TLE2: variants seen among roughly 807,000 people sequenced by gnomAD.
TLE2 encodes TLE family member 2, transcriptional corepressor.
A neutral mutation model predicts 97.2 loss-of-function variants in TLE2; 74 were observed. The observed-to-expected ratio is 0.76, with a 90% CI of 0.63 to 0.92. The LOEUF (loss-of-function observed/expected upper bound fraction) is 0.92, where lower values mean the gene tolerates loss of function less well. Ranked by LOEUF, TLE2 falls within the 40% of genes least tolerant of loss-of-function variation. The pLI is 0.00. For missense variants in TLE2, 1,038 were observed against 1,008.7 expected (o/e 1.03, Z -0.39); for synonymous variants, 499 against 432.1 (o/e 1.15, Z -1.92).
chr19:3,015,736 T>A lies in TLE2; in HGVS notation c.595A>T (p.Ser199Cys). The A allele has an allele frequency of 1.2e-6, 2 of 1,610,638 alleles. No homozygotes were observed. Among genetic ancestry groups the A allele is most frequent in the Non-Finnish European group, 1.7e-6 (2 of 1,179,064 alleles). ...CTCGGTCGCTCCTCCTCCACGAGAC[T>A]CTCAGGGGGCGAGGGAGATGCACTC... ...SRSASPSPPE[S>C]LVEEERPSGP... Residue 199 changes from serine to cysteine, a missense_variant, in exon 9 of 20, where the codon AGT (serine) becomes TGT (cysteine). Physicochemically the swap from Ser to Cys is moderately radical, Grantham distance 112. Coordinates refer to ENST00000262953, the MANE Select transcript of TLE2 (RefSeq NM_003260.5).
chr19:3,001,247 T>C (rs1429407693), intron 18 of TLE2, among the ~76,000 whole-genome samples: 1 of 149,374 alleles, frequency 6.7e-6, no homozygotes, highest in East Asian at 2.0e-4. Context: ...CACTCCAGCC[T>C]GGGTAACGCA....
At position 3,028,699 on chromosome 19, in the gene TLE2, C is replaced by A. The variant is rs776389832; in HGVS notation, c.122+7G>T. On this transcript the variant is annotated splice_region_variant and intron_variant, in intron 2 of 19. Transcript: ENST00000262953. ...ACTCCCGCGGCCCCTGGGGCGGCCCCCCTCACCTGTGGTATTGAGCCTGAA... is the reference window on the plus strand; with the variant it reads ...ACTCCCGCGGCCCCTGGGGCGGCCCACCTCACCTGTGGTATTGAGCCTGAA... 1.2e-6 allele frequency: 2 copies of A among 1,612,654 alleles called. No individual in the cohort carries two copies. Among genetic ancestry groups the A allele is most frequent in the African/African-American group, 2.7e-5 (2 of 74,930 alleles).
At chr19:3,009,900 G>C (rs71339156) in intron 12 of TLE2, among the ~76,000 whole-genome samples, 198 bp from the exon 13 acceptor site, 1 of 147,512 alleles carries the variant, frequency 6.8e-6, no homozygotes, top group Admixed American at 6.7e-5. Flanking sequence ...TTTTTCTTTT[G>C]TTTGAGATGG....
intron 4 of TLE2, among the ~76,000 whole-genome samples, chr19:3,025,947 C>A (rs971153721): frequency 6.6e-6 from 1 of 152,072 alleles, no homozygotes; most frequent in African/African-American, 2.4e-5. Context: ...ACCCCAGGCA[C>A]CCCACACTCC....
chr19:3,041,013 A>ATATATATATTAT lies in TLE2; in HGVS notation c.63+4712_63+4713insATAATATATATA, dbSNP rs1555695656. ...CATTTATATATATATATATATATATATTTTTTTTTTTTTTTTTTTTTTTTT... is the reference window on the plus strand; with the variant it reads ...CATTTATATATATATATATATATATATATATATATTATTTTTTTTTTTTTTTTTTTTTTTTTT... On this transcript the variant is annotated intron_variant, in intron 1 of 18. Transcript: ENST00000426948. Among the ~76,000 whole-genome samples the ATATATATATTAT allele has an allele frequency of 1.0e-3, 29 of 28,974 alleles. 1 individual carries two copies. Among genetic ancestry groups the ATATATATATTAT allele is most frequent in the South Asian group, 1.4e-3 (1 of 716 alleles). 19.0% of individuals were successfully genotyped at this position (28,974 alleles called of 152,430 possible).
intron 8 of TLE2, 80 bp from the exon 9 acceptor site, chr19:3,015,840 A>C: frequency 9.4e-7 from 1 of 1,062,902 alleles, no homozygotes; most frequent in Non-Finnish European, 1.4e-6. Flanking sequence ...GCCGAGACTG[A>C]GGGTCCCCCA....
intron 19 of TLE2, among the ~76,000 whole-genome samples, chr19:2,999,770 C>T (rs1181646698): frequency 6.7e-6 from 1 of 149,114 alleles, no homozygotes; most frequent in African/African-American, 2.5e-5. Context: ...CAGTGGCTCA[C>T]GCCTGTAATC....
In TLE2 at chr19:3,002,353, C is replaced by G. The variant is rs765715681; in HGVS notation, c.2047G>C (p.Gly683Arg). The change falls in exon 18 of 20, where the codon GGA (glycine) becomes CGA (arginine). Residue 683 changes from glycine (G) to arginine (R), a missense_variant and splice_region_variant. Coordinates refer to ENST00000262953, the MANE Select transcript of TLE2 (RefSeq NM_003260.5). ...CVLSLKFASC[G>R]RWFVSTGKDN... Reference sequence around the variant, plus strand: ...TGCCACCCCGCCCCAGAAGACACACCGCAGGAGGCAAACTTCAGGGACAGC... The same window carrying G: ...TGCCACCCCGCCCCAGAAGACACACGGCAGGAGGCAAACTTCAGGGACAGC... 9.9e-6 allele frequency: 16 copies of G among 1,610,362 alleles called. No homozygotes were observed. Among genetic ancestry groups the G allele is most frequent in the Non-Finnish European group, 7.6e-6 (9 of 1,178,138 alleles).
rs796339147 is a variant in TLE2 at position 2,998,275 on chromosome 19, G to GTGTGTGTGTGTGTGTGTGTGTGTA, written c.2125-321_2125-320insTACACACACACACACACACACACA. 2.7e-4 allele frequency among the ~76,000 whole-genome samples: 30 copies of GTGTGTGTGTGTGTGTGTGTGTGTA among 110,342 alleles called. 2 individuals carry two copies. The highest frequency in any genetic ancestry group is 8.4e-4 in the African/African-American group (30 of 35,780). The allele number at this position is 110,342 out of a possible 152,430, so 72.4% of individuals were successfully genotyped here. The stretch of plus-strand genomic sequence containing the variant: ...TGTGTGTGTGTGTGTGTGTGTGTGT[G>GTGTGTGTGTGTGTGTGTGTGTGTA]TAATTTTTTTTTTTTTTTGTGAGAC... On this transcript the variant is annotated intron_variant, in intron 19 of 19. Coordinates refer to ENST00000262953, the MANE Select transcript of TLE2 (RefSeq NM_003260.5).
chr19:3,026,608 TCTCA>T, intron 4 of TLE2, among the ~76,000 whole-genome samples: 1 of 84,048 alleles, frequency 1.2e-5, no homozygotes, highest in East Asian at 4.1e-4. Flanking sequence ...CTGAGGTCAA[TCTCA>T]GAACCCTGAG....
rs111973697 is a variant in TLE2, at chr19:3,028,235, G to A, written c.186+84C>T. 39 of 1,386,236 alleles carry A rather than the reference G, an allele frequency of 2.8e-5. No homozygotes were observed. In the African/African-American group the frequency reaches 4.7e-4, roughly 17 times the overall value. 85.9% of individuals were successfully genotyped at this position (1,386,236 alleles called of 1,614,324 possible). On this transcript the variant is annotated intron_variant, in intron 3 of 19. Transcript: ENST00000262953. ...AGACGGGGAAGACGAGGTTCGGAGT[G>A]GGGCAGGGACCTACCCCAGAGTCCA...
chr19:3,047,068 C>T (rs1302320335), upstream of TLE2, among the ~76,000 whole-genome samples: 1 of 55,008 alleles, frequency 1.8e-5, no homozygotes, highest in African/African-American at 7.8e-5. Context: ...CCCTCCCTCC[C>T]CCTCCCTCCA....
chr19:3,006,670 C>G lies in TLE2; in HGVS notation c.1251-1G>C. On this transcript the variant is annotated splice_acceptor_variant, in intron 14 of 19. Coordinates refer to ENST00000262953, the MANE Select transcript of TLE2 (RefSeq NM_003260.5). LOFTEE classifies it high-confidence loss of function. ...CGCAGACACGTGGAAGGAGTAGGCC[C>G]TGGAGAGAAAGCCGGGGCATGACCC... 6.3e-7 allele frequency: 1 copy of G among 1,586,938 alleles called. No individual in the cohort carries two copies. Among genetic ancestry groups the G allele is most frequent in the Non-Finnish European group, 8.6e-7 (1 of 1,163,926 alleles).
intron 8 of TLE2, 146 bp from the exon 9 acceptor site, chr19:3,015,906 G>T: frequency 1.4e-6 from 1 of 708,530 alleles, no homozygotes; most frequent in Non-Finnish European, 2.6e-6. Context: ...AGCTTCCAAC[G>T]GCTGACTCAG....
chr19:3,006,428 C>A lies in TLE2; in HGVS notation c.1492G>T (p.Asp498Tyr). 2 of 1,609,962 alleles carry A rather than the reference C, an allele frequency of 1.2e-6. No homozygotes were observed. The highest frequency in any genetic ancestry group is 1.7e-6 in the Non-Finnish European group (2 of 1,179,380). Residue 498 changes from aspartate (D) to tyrosine (Y), a missense_variant, in exon 15 of 20, where the codon GAC (aspartate) becomes TAC (tyrosine). By Grantham distance (160) the Asp-to-Tyr change is radical. Coordinates refer to ENST00000262953, the MANE Select transcript of TLE2 (RefSeq NM_003260.5). ...PGAKTPVAQL[D>Y]CLNRDNYIRS... ...TCCCACCCCGCCCTCACCAGGCAGT[C>A]GAGCTGGGCCACGGGCGTCTTGGCC... is the stretch of plus-strand genomic sequence containing the variant.
At chr19:3,009,125 G>A (rs1462618750) in intron 13 of TLE2, among the ~76,000 whole-genome samples, 180 bp from the exon 14 acceptor site, 6 of 152,092 alleles carry the variant, frequency 3.9e-5, no homozygotes, top group African/African-American at 1.4e-4. Context: ...TGAGCACACC[G>A]ACACCAAAAT....
chr19:3,007,026 C>T (rs545319551), intron 14 of TLE2, among the ~76,000 whole-genome samples: 34 of 152,170 alleles, frequency 2.2e-4, no homozygotes, highest in African/African-American at 7.7e-4. Context: ...CTCAAGTGAT[C>T]TGCCCGCCTC....
At chr19:3,038,987 G>A (rs1178415785) in intron 1 of TLE2, among the ~76,000 whole-genome samples, 2 of 151,564 alleles carry the variant, frequency 1.3e-5, no homozygotes, top group African/African-American at 4.9e-5. Context: ...AGGTTGCAGT[G>A]AGCTGAGATC....
rs899334251 is a variant in TLE2 at position 3,013,289 on chromosome 19, G to A, written c.873+380C>T. 2.6e-5 allele frequency among the ~76,000 whole-genome samples: 4 copies of A among 152,122 alleles called. No homozygotes were observed. In the East Asian group the frequency reaches 5.8e-4, roughly 22 times the overall value. On this transcript the variant is annotated intron_variant, in intron 11 of 19. Transcript: ENST00000262953. ...GGGACAACATCTCAGCTTGGGGCCG[G>A]TGTGTCTCTAAGCGCCTCTGGAAGG...
Sources: allele counts gnomAD v4.1 joint callset (sites outside exome capture counted in the v4.1 genomes callset), GRCh38; gene constraint gnomAD v4.1.1; transcripts MANE v1.5; gene names NCBI Gene and HGNC (gene_info 2026-07-23, HGNC 2026-07-21).